Variants in ZNF644 observed in about 807,000 individuals in gnomAD.
ZNF644 encodes the protein zinc finger motif enhancer binding protein 2.
A neutral mutation model predicts 108.0 loss-of-function variants in ZNF644; 20 were observed. That is an observed-to-expected ratio of 0.19 (90% CI 0.13 to 0.27). ZNF644 has a LOEUF of 0.27. Ranked by LOEUF, ZNF644 falls within the 10% of genes least tolerant of loss-of-function variation. The pLI is 1.00. For missense variants in ZNF644, 1,338 were observed against 1,548.9 expected (o/e 0.86, Z 2.29); for synonymous variants, 542 against 539.1 (o/e 1.01, Z -0.08).
intron 2 of ZNF644, among the ~76,000 whole-genome samples, chr1:90,961,485 T>C (rs1310988156): frequency 1.3e-5 from 2 of 152,176 alleles, no homozygotes; most frequent in Admixed American, 6.5e-5. Flanking sequence ...TAACACCTTA[T>C]TTGCCTTTTC....
chr1:91,010,296 T>C (rs1233796580), intron 1 of ZNF644, among the ~76,000 whole-genome samples: 1 of 149,572 alleles, frequency 6.7e-6, no homozygotes, highest in Non-Finnish European at 1.5e-5. Context: ...CTGAGTGCAG[T>C]GGCACAATCT....
intron 2 of ZNF644, among the ~76,000 whole-genome samples, chr1:90,962,954 AC>A (rs1332643623): frequency 6.6e-6 from 1 of 152,142 alleles, no homozygotes; most frequent in Non-Finnish European, 1.5e-5. Context: ...GATAAAATGA[AC>A]TATACTAAAA....
intron 4 of ZNF644, among the ~76,000 whole-genome samples, chr1:90,925,420 C>A (rs1649916648): frequency 6.6e-6 from 1 of 151,920 alleles, no homozygotes; most frequent in African/African-American, 2.4e-5. Flanking sequence ...CAGTGTATAT[C>A]CAGGGCAACT....
intron 2 of ZNF644, among the ~76,000 whole-genome samples, chr1:90,975,845 C>T (rs1655957204): frequency 6.6e-6 from 1 of 152,074 alleles, no homozygotes; most frequent in Non-Finnish European, 1.5e-5. Context: ...TGACCTCAAG[C>T]CAGTCATTCA....
At chr1:90,917,263 C>A (rs1487453124) in intron 5 of ZNF644, among the ~76,000 whole-genome samples, 1 of 152,148 alleles carries the variant, frequency 6.6e-6, no homozygotes, top group Non-Finnish European at 1.5e-5. Flanking sequence ...GAAACAACAA[C>A]TATTACTCCA....
intron 1 of ZNF644, among the ~76,000 whole-genome samples, chr1:91,019,283 A>C (rs899757490): frequency 6.6e-6 from 1 of 152,186 alleles, no homozygotes; most frequent in Non-Finnish European, 1.5e-5. Context: ...TCCAACCAAA[A>C]CACTATTACA....
At chr1:91,017,128 C>T (rs1002118201) in intron 1 of ZNF644, among the ~76,000 whole-genome samples, 3 of 151,940 alleles carry the variant, frequency 2.0e-5, no homozygotes, top group East Asian at 1.9e-4. Flanking sequence ...CCTCCACACC[C>T]GGCCTATATA....
At chr1:90,933,600 G>A (rs1445266541) in intron 4 of ZNF644, among the ~76,000 whole-genome samples, 1 of 152,112 alleles carries the variant, frequency 6.6e-6, no homozygotes, top group African/African-American at 2.4e-5. Flanking sequence ...GGAGGTGGAG[G>A]TTGCAGTGAG....
chr1:90,934,231 C>T lies in ZNF644; in HGVS notation c.3688+3254G>A, dbSNP rs184583124. Among the ~76,000 whole-genome samples, 171 of 152,164 alleles carry T rather than the reference C, an allele frequency of 1.1e-3. 1 individual carries two copies. Among genetic ancestry groups the T allele is most frequent in the African/African-American group, 3.1e-3 (129 of 41,508 alleles). ...TAAATTGTCAACATTCATCCCTGGT[C>T]ATTTGTATATCAAGTTAAGGAAGAA... On this transcript the variant is annotated intron_variant, in intron 4 of 5. Transcript: ENST00000337393.
At chr1:90,987,357 A>C (rs1211586945) in intron 1 of ZNF644, among the ~76,000 whole-genome samples, 1 of 151,422 alleles carries the variant, frequency 6.6e-6, no homozygotes, top group Non-Finnish European at 1.5e-5. Context: ...GAAAGAGGGG[A>C]CATTACAACT....
rs1378692872 is a variant in ZNF644 at position 90,938,144 on chromosome 1, C to A, written c.3083-54G>T. 2 of 1,606,358 alleles carry A rather than the reference C, an allele frequency of 1.2e-6. No homozygotes were observed. Among genetic ancestry groups the A allele is most frequent in the Middle Eastern group, 1.7e-4 (1 of 6,040 alleles). On this transcript the variant is annotated intron_variant, in intron 3 of 5. Coordinates refer to ENST00000337393, the MANE Select transcript of ZNF644 (RefSeq NM_201269.3). The surrounding 1 kb of genome is among the most constrained non-coding windows in gnomAD (Gnocchi z 4.2). Reference sequence around the variant, plus strand: ...AGACTTTCTTATATAAACTGACCACCCTAAAATGAGTTAATTCTGAAACAT... The same window carrying A: ...AGACTTTCTTATATAAACTGACCACACTAAAATGAGTTAATTCTGAAACAT...
intron 4 of ZNF644, among the ~76,000 whole-genome samples, chr1:90,922,012 C>T (rs1293583978): frequency 6.6e-6 from 1 of 152,142 alleles, no homozygotes; most frequent in East Asian, 1.9e-4. Flanking sequence ...TAAGAATTTA[C>T]TTTTGACTTT....
At chr1:90,988,600 C>T (rs944155345) in intron 1 of ZNF644, among the ~76,000 whole-genome samples, 1 of 152,114 alleles carries the variant, frequency 6.6e-6, no homozygotes, top group African/African-American at 2.4e-5. Flanking sequence ...AAAAGAACAA[C>T]AAAGTTGGAG....
chr1:90,981,972 A>G (rs1413242985), intron 2 of ZNF644, among the ~76,000 whole-genome samples: 1 of 152,084 alleles, frequency 6.6e-6, no homozygotes, highest in Non-Finnish European at 1.5e-5. Context: ...TGACACAATA[A>G]ATGTCTTACT....
At position 90,939,638 on chromosome 1, in the gene ZNF644, C is replaced by A. The variant is rs1299203435; in HGVS notation, c.1716G>T (p.Met572Ile). ...TGGATGATCCTACTACAGAGTCTTTCATGAAAGTCTTTTTTTGTGTTTTTC... is the reference window on the plus strand; with the variant it reads ...TGGATGATCCTACTACAGAGTCTTTAATGAAAGTCTTTTTTTGTGTTTTTC... The part of the protein sequence containing the change: ...AQRKTQKKTF[M>I]KDSVVGSSKK... Residue 572 changes from methionine to isoleucine, a missense_variant, in exon 3 of 6, where the codon ATG becomes ATT. By Grantham distance (10) the Met-to-Ile change is conservative. This residue lies in a region of ZNF644 where 462 missense variants were observed against 472.6 expected (regional missense o/e 0.98). Transcript: ENST00000337393. 6.2e-7 allele frequency: 1 copy of A among 1,613,896 alleles called. No homozygotes were observed. Among genetic ancestry groups the A allele is most frequent in the African/African-American group, 1.3e-5 (1 of 74,904 alleles).
chr1:90,986,581 G>C (rs1657121254), intron 1 of ZNF644, among the ~76,000 whole-genome samples: 1 of 151,830 alleles, frequency 6.6e-6, no homozygotes, highest in African/African-American at 2.4e-5. Flanking sequence ...TTAGAATATG[G>C]GAACAGTATA....
chr1:91,007,426 C>A (rs1659564186), intron 1 of ZNF644, among the ~76,000 whole-genome samples: 1 of 151,832 alleles, frequency 6.6e-6, no homozygotes, highest in Admixed American at 6.6e-5. Context: ...GTTGGCCAGG[C>A]TGTTCTTGAA....
intron 2 of ZNF644, among the ~76,000 whole-genome samples, chr1:90,979,520 T>A (rs1656343577): frequency 6.6e-6 from 1 of 152,278 alleles, no homozygotes; most frequent in Admixed American, 6.5e-5. Flanking sequence ...CTACATTACA[T>A]ATCTACAATT....
In ZNF644 at chr1:90,939,251, T is replaced by G; in HGVS notation, c.2103A>C (p.Gln701His). 6.2e-7 allele frequency: 1 copy of G among 1,614,072 alleles called. No homozygotes were observed. The highest frequency in any genetic ancestry group is 8.5e-7 in the Non-Finnish European group (1 of 1,179,952). ...IAQSGVNMCN[Q>H]NSSPHKNVTI... is the part of the protein sequence containing the mutation. ...TAACATTCTTATGAGGAGAGCTGTT[T>G]TGATTGCACATGTTTACACCTGATT... The change falls in exon 3 of 6, where the codon CAA (glutamine) becomes CAC (histidine). Residue 701 changes from glutamine (Q) to histidine (H), a missense_variant. Around this residue, in one of 6 missense-constraint regions of ZNF644, gnomAD observed 462 missense variants for 472.6 expected, o/e 0.98. Transcript: ENST00000337393.
Sources: allele counts gnomAD v4.1 joint callset (sites outside exome capture counted in the v4.1 genomes callset), GRCh38; gene constraint gnomAD v4.1.1; regional missense constraint gnomAD v4.1.1; non-coding constraint Gnocchi (gnomAD v3.1); transcripts MANE v1.5; gene names NCBI Gene and HGNC (gene_info 2026-07-23, HGNC 2026-07-21).